Variants in FBXO25 observed in about 807,000 individuals in gnomAD.
FBXO25 encodes F-box only protein 25.
In FBXO25, 45 loss-of-function variants were observed where a neutral mutation model predicts 51.9. The ratio of observed to expected loss-of-function variants is 0.87; its 90% confidence interval spans 0.68 to 1.11. The LOEUF (loss-of-function observed/expected upper bound fraction) is 1.11. FBXO25 is among the 50% of genes most tolerant of loss of function. The pLI, the probability that FBXO25 is intolerant of heterozygous loss-of-function variation, is 0.00. For missense variants in FBXO25, 507 were observed against 428.5 expected (o/e 1.18, Z -1.62); for synonymous variants, 199 against 151.0 (o/e 1.32, Z -2.33).
At position 434,116 on chromosome 8, in the gene FBXO25, G is replaced by C. The variant is rs559585550; in HGVS notation, c.288+1181G>C. 3.3e-5 allele frequency among the ~76,000 whole-genome samples: 5 copies of C among 152,304 alleles called. No homozygotes were observed. The East Asian group carries it at 9.7e-4, about 29-fold the overall frequency. ...AATGCTAGGAACCAGGACCTAACAA[G>C]GCTGAGAGGGACCAGAACTAGGACT... On this transcript the variant is annotated intron_variant, in intron 4 of 9. Transcript: ENST00000350302.
At chr8:417,080 C>T (rs184443008) in intron 2 of FBXO25, among the ~76,000 whole-genome samples, 261 of 152,302 alleles carry the variant, frequency 1.7e-3, no homozygotes, top group Admixed American at 3.4e-3. Flanking sequence ...AGGAGTACAT[C>T]ATCTGGCATA....
At chr8:462,137 T>A (rs867846878) in intron 8 of FBXO25, among the ~76,000 whole-genome samples, 31 of 152,222 alleles carry the variant, frequency 2.0e-4, no homozygotes, top group African/African-American at 7.0e-4. Context: ...CTCTTGATTC[T>A]CCACCCCTCC....
chr8:475,650 A>G lies in FBXO25; in HGVS notation c.*6846A>G, dbSNP rs907727062. 2 of 152,136 alleles carry G rather than the reference A, an allele frequency of 1.3e-5. No individual in the cohort carries two copies. Among genetic ancestry groups the G allele is most frequent in the Non-Finnish European group, 2.9e-5 (2 of 68,010 alleles). The allele number at this position is 152,136 out of a possible 1,614,324, so 9.4% of individuals were successfully genotyped here. ...CTTTTGCTTCCTTAAGTTTATTCCTAAATATTTCAGTTTTTTTGTTACTAT... is the reference window on the plus strand; with the variant it reads ...CTTTTGCTTCCTTAAGTTTATTCCTGAATATTTCAGTTTTTTTGTTACTAT... On this transcript the variant is annotated 3_prime_UTR_variant, in exon 10 of 10. Coordinates refer to ENST00000350302, the MANE Select transcript of FBXO25 (RefSeq NM_183420.2).
In FBXO25 at chr8:476,893, G is replaced by A. The variant is rs958141762; in HGVS notation, c.*8089G>A. ...TCTAGTTCTTTCAGATGTAAATTTAGGGTTGACTTGAGATCTTAATTTGTT... is the reference window on the plus strand; with the variant it reads ...TCTAGTTCTTTCAGATGTAAATTTAAGGTTGACTTGAGATCTTAATTTGTT... On this transcript the variant is annotated 3_prime_UTR_variant, in exon 10 of 10. Coordinates refer to ENST00000350302, the MANE Select transcript of FBXO25 (RefSeq NM_183420.2). The A allele has an allele frequency of 6.6e-6, 1 of 151,980 alleles. No individual in the cohort carries two copies. The highest frequency in any genetic ancestry group is 1.5e-5 in the Non-Finnish European group (1 of 67,996). 9.4% of individuals were successfully genotyped at this position (151,980 alleles called of 1,614,324 possible).
At chr8:410,304 T>C (rs1796412504) in intron 1 of FBXO25, among the ~76,000 whole-genome samples, 1 of 152,218 alleles carries the variant, frequency 6.6e-6, no homozygotes. Flanking sequence ...GTTCCTTAGC[T>C]AAATTGCACA....
At chr8:445,625 G>T (rs1271189816) in intron 5 of FBXO25, among the ~76,000 whole-genome samples, 1 of 152,218 alleles carries the variant, frequency 6.6e-6, no homozygotes, top group Non-Finnish European at 1.5e-5. Flanking sequence ...GGCCGAGGTG[G>T]GCGGATCACC....
rs145614834 is a variant in FBXO25 at position 463,244 on chromosome 8, A to G, written c.987+94A>G. 13 of 1,365,894 alleles carry G rather than the reference A, an allele frequency of 9.5e-6. No individual in the cohort carries two copies. The African/African-American group carries it at 1.8e-4, about 18-fold the overall frequency. The allele number at this position is 1,365,894 out of a possible 1,614,324, so 84.6% of individuals were successfully genotyped here. On this transcript the variant is annotated intron_variant, in intron 9 of 9. Transcript: ENST00000350302. ...TTTAAGTATAAGACTAAAAAGCGGAAAATACTGTTTGTTATAAGTAAGTTA... is the reference window on the plus strand; with the variant it reads ...TTTAAGTATAAGACTAAAAAGCGGAGAATACTGTTTGTTATAAGTAAGTTA...
intron 7 of FBXO25, among the ~76,000 whole-genome samples, chr8:452,876 G>A (rs190049373): frequency 2.6e-4 from 40 of 152,342 alleles, no homozygotes; most frequent in East Asian, 9.7e-4. Context: ...TGGGTGGGCC[G>A]AGACAGAGCA....
chr8:429,279 C>T (rs561896232), intron 2 of FBXO25, among the ~76,000 whole-genome samples: 3 of 152,220 alleles, frequency 2.0e-5, no homozygotes, highest in Admixed American at 6.5e-5. Context: ...TGTTAATTTG[C>T]ATTTACCTAA....
In FBXO25 at chr8:472,938, T is replaced by C. The variant is rs1800528760; in HGVS notation, c.*4134T>C. On this transcript the variant is annotated 3_prime_UTR_variant, in exon 10 of 10. Transcript: ENST00000350302. ...GATGTGTGCACGTGATGGACACCAC[T>C]CACCTCCCTTTAGTCCCTATCAAAT... 6.6e-6 allele frequency: 1 copy of C among 152,262 alleles called. No individual in the cohort carries two copies. The highest frequency in any genetic ancestry group is 6.5e-5 in the Admixed American group (1 of 15,286). The allele number at this position is 152,262 out of a possible 1,614,324, so 9.4% of individuals were successfully genotyped here.
chr8:453,042 C>A (rs1223121109), intron 7 of FBXO25, among the ~76,000 whole-genome samples: 2 of 152,196 alleles, frequency 1.3e-5, no homozygotes, highest in Non-Finnish European at 2.9e-5. Context: ...CTGCTTTTGG[C>A]CCGGGATGGT....
chr8:450,143 G>A, intron 6 of FBXO25, 60 bp downstream of exon 6: 1 of 1,275,624 alleles, frequency 7.8e-7, no homozygotes, highest in Non-Finnish European at 1.1e-6. Flanking sequence ...GGTGCAAGGA[G>A]ATGGGATTTT....
At chr8:448,286 G>A (rs1321697796) in intron 5 of FBXO25, among the ~76,000 whole-genome samples, 4 of 152,194 alleles carry the variant, frequency 2.6e-5, no homozygotes, top group African/African-American at 9.7e-5. Flanking sequence ...GGTTGACTGA[G>A]AACAGGTTAT....
At chr8:428,458 A>G (rs865796363) in intron 2 of FBXO25, among the ~76,000 whole-genome samples, 1 of 141,930 alleles carries the variant, frequency 7.0e-6, no homozygotes, top group Non-Finnish European at 1.5e-5. Flanking sequence ...TCGGACATGC[A>G]CCTCAGACAG....
chr8:433,023 C>G (rs1025511036), intron 4 of FBXO25, 88 bp downstream of exon 4: 24 of 1,365,946 alleles, frequency 1.8e-5, no homozygotes, highest in Non-Finnish European at 9.7e-6. Context: ...AATAAAGTTG[C>G]ATAAAACACA....
rs977107016 is a variant in FBXO25, at chr8:476,187, A to C, written c.*7383A>C. On this transcript the variant is annotated 3_prime_UTR_variant, in exon 10 of 10. Coordinates refer to ENST00000350302, the MANE Select transcript of FBXO25 (RefSeq NM_183420.2). Reference sequence around the variant, plus strand: ...TACATTTATTGACTTGAGCATGTTGAAACATCTTTGCATACCAGCTGTAAA... The same window carrying C: ...TACATTTATTGACTTGAGCATGTTGCAACATCTTTGCATACCAGCTGTAAA... The C allele has an allele frequency of 1.3e-5, 2 of 152,192 alleles. No individual in the cohort carries two copies. The highest frequency in any genetic ancestry group is 4.8e-5 in the African/African-American group (2 of 41,466). The allele number at this position is 152,192 out of a possible 1,614,324, so 9.4% of individuals were successfully genotyped here.
chr8:453,344 T>C (rs1799211513), intron 7 of FBXO25, among the ~76,000 whole-genome samples: 3 of 152,126 alleles, frequency 2.0e-5, no homozygotes, highest in Admixed American at 6.5e-5. Context: ...CTGGGTGCTC[T>C]CTGGAGCACG....
In FBXO25 at chr8:469,536, TTA is replaced by T. The variant is rs372542429; in HGVS notation, c.*733_*734del. On this transcript the variant is annotated 3_prime_UTR_variant, in exon 10 of 10. Coordinates refer to ENST00000350302, the MANE Select transcript of FBXO25 (RefSeq NM_183420.2). ...AAACTTCAATTGTGTTGAAACTACTTTAATAGACAAAGTAATAAATCATGTTT... is the reference window on the plus strand; with the variant it reads ...AAACTTCAATTGTGTTGAAACTACTTATAGACAAAGTAATAAATCATGTTT... 1.3e-5 allele frequency: 2 copies of T among 152,346 alleles called. No individual in the cohort carries two copies. Among genetic ancestry groups the T allele is most frequent in the African/African-American group, 4.8e-5 (2 of 41,576 alleles). The allele number at this position is 152,346 out of a possible 1,614,324, so 9.4% of individuals were successfully genotyped here.
At chr8:445,517 A>G (rs1347275477) in intron 5 of FBXO25, among the ~76,000 whole-genome samples, 5 of 152,252 alleles carry the variant, frequency 3.3e-5, no homozygotes, top group Non-Finnish European at 2.9e-5. Context: ...TTGCCACATT[A>G]GAAATTAAAA....
Sources: allele counts gnomAD v4.1 joint callset (sites outside exome capture counted in the v4.1 genomes callset), GRCh38; gene constraint gnomAD v4.1.1; transcripts MANE v1.5; gene names NCBI Gene and HGNC (gene_info 2026-07-23, HGNC 2026-07-21).